Variants in PPP3CC observed in about 807,000 individuals in gnomAD.
PPP3CC encodes the protein serine/threonine-protein phosphatase 2B catalytic subunit gamma isoform.
Under a neutral mutation model 60.3 loss-of-function variants are expected in PPP3CC, and 35 were observed. That is an observed-to-expected ratio of 0.58 (90% CI 0.44 to 0.77). The LOEUF is 0.77. Ranked by LOEUF, PPP3CC falls within the 30% of genes least tolerant of loss-of-function variation. The pLI is 0.00. For synonymous variants in PPP3CC, 206 were observed against 224.3 expected (o/e 0.92, Z 0.73); for missense variants, 570 against 628.9 (o/e 0.91, Z 1.00).
At chr8:22,531,062 G>A (rs1369335731) in intron 10 of PPP3CC, among the ~76,000 whole-genome samples, 1 of 152,046 alleles carries the variant, frequency 6.6e-6, no homozygotes, top group Non-Finnish European at 1.5e-5. Flanking sequence ...TCATAGATGT[G>A]AATTAATGTA....
At chr8:22,530,053 C>A (rs1303641601) in intron 10 of PPP3CC, among the ~76,000 whole-genome samples, 1 of 152,126 alleles carries the variant, frequency 6.6e-6, no homozygotes, top group Non-Finnish European at 1.5e-5. Flanking sequence ...AAACACAACT[C>A]CCTTTGGGAA....
At chr8:22,502,324 T>A (rs1838785184) in intron 4 of PPP3CC, among the ~76,000 whole-genome samples, 1 of 152,192 alleles carries the variant, frequency 6.6e-6, no homozygotes, top group African/African-American at 2.4e-5. Context: ...GTAATCTAAA[T>A]GTCAACAAGA....
chr8:22,470,112 A>G (rs1049184083), intron 1 of PPP3CC, among the ~76,000 whole-genome samples: 7 of 151,424 alleles, frequency 4.6e-5, no homozygotes, highest in South Asian at 2.1e-4. Context: ...TCTCTGCTGT[A>G]TCATTTATTT....
intron 3 of PPP3CC, among the ~76,000 whole-genome samples, chr8:22,479,440 G>A (rs1255224153): frequency 6.6e-6 from 1 of 151,932 alleles, no homozygotes; most frequent in East Asian, 1.9e-4. Flanking sequence ...AAGATTGTAT[G>A]GAAAGCATTT....
At chr8:22,460,447 C>T (rs570871912) in intron 1 of PPP3CC, among the ~76,000 whole-genome samples, 2 of 151,542 alleles carry the variant, frequency 1.3e-5, no homozygotes, top group Non-Finnish European at 2.9e-5. Flanking sequence ...CCATCTTGGC[C>T]CCCTGTAGCA....
intron 3 of PPP3CC, among the ~76,000 whole-genome samples, chr8:22,486,298 G>A (rs568842693): frequency 1.3e-5 from 2 of 152,102 alleles, no homozygotes; most frequent in East Asian, 3.9e-4. Flanking sequence ...TTGATCTCAG[G>A]GAAGGAAGGC....
rs893369996 is a variant in PPP3CC at position 22,527,324 on chromosome 8, G to C, written c.944-68G>C. 5 of 1,558,530 alleles carry C rather than the reference G, an allele frequency of 3.2e-6. No individual in the cohort carries two copies. The African/African-American group carries it at 6.8e-5, about 21-fold the overall frequency. ...AATTCTGTGTAGCAGGTACACAGCT[G>C]TACAAAGCATACCACTTGCCATGCC... is the stretch of plus-strand genomic sequence containing the variant. On this transcript the variant is annotated intron_variant, in intron 8 of 13. Transcript: ENST00000240139.
intron 1 of PPP3CC, among the ~76,000 whole-genome samples, chr8:22,468,321 T>G (rs1837610939): frequency 6.6e-6 from 1 of 152,078 alleles, no homozygotes; most frequent in African/African-American, 2.4e-5. Context: ...GCCAGGCTGA[T>G]CTCAAACTCC....
Position 22,480,452 on chromosome 8 carries a change from G to A in PPP3CC, c.372+4828G>A, listed in dbSNP as rs182045804. On this transcript the variant is annotated intron_variant, in intron 3 of 13. Coordinates refer to ENST00000240139, the MANE Select transcript of PPP3CC (RefSeq NM_005605.5). ...GATCTTTTGAGGCTTTCCAGGGGCTGAACTGGAAAATCCCAAAGTTAATTT... is the reference window on the plus strand; with the variant it reads ...GATCTTTTGAGGCTTTCCAGGGGCTAAACTGGAAAATCCCAAAGTTAATTT... Among the ~76,000 whole-genome samples the A allele has an allele frequency of 5.9e-3, 904 of 152,256 alleles. 3 individuals are homozygous for A. Among genetic ancestry groups the A allele is most frequent in the Middle Eastern group, 0.01 (3 of 294 alleles).
At chr8:22,491,414 T>C (rs1400189491) in intron 3 of PPP3CC, among the ~76,000 whole-genome samples, 1 of 152,238 alleles carries the variant, frequency 6.6e-6, no homozygotes. Flanking sequence ...TTTTAATTAA[T>C]GTTTCTCTAA....
chr8:22,502,141 A>C (rs1838779197), intron 4 of PPP3CC, among the ~76,000 whole-genome samples: 1 of 152,216 alleles, frequency 6.6e-6, no homozygotes, highest in South Asian at 2.1e-4. Flanking sequence ...TCATACTTAC[A>C]GTTTTCATCC....
chr8:22,532,833 G>C (rs1586872693), intron 11 of PPP3CC, 88 bp from the exon 12 acceptor site: 1 of 873,320 alleles, frequency 1.1e-6, no homozygotes, highest in South Asian at 2.3e-5. Context: ...TTCCATCTCT[G>C]CTGTCTTTCT....
chr8:22,515,149 A>G (rs532851181), intron 6 of PPP3CC, among the ~76,000 whole-genome samples: 103 of 152,044 alleles, frequency 6.8e-4, no homozygotes, highest in African/African-American at 2.4e-3. Context: ...TCTGGTAACC[A>G]TCATTCTACT....
chr8:22,495,569 A>ATTC (rs1563739810), intron 3 of PPP3CC, among the ~76,000 whole-genome samples: 1 of 151,430 alleles, frequency 6.6e-6, no homozygotes, highest in Non-Finnish European at 1.5e-5. Context: ...TATTATTATT[A>ATTC]TTGTTATTAT....
intron 1 of PPP3CC, 126 bp downstream of exon 1, chr8:22,441,584 A>C (rs1467750322): frequency 9.4e-7 from 1 of 1,066,452 alleles, no homozygotes; most frequent in African/African-American, 1.7e-5. Flanking sequence ...AGGGGTGTAG[A>C]CAGAGCCGGG....
At chr8:22,539,610 G>A (rs1029541951) in intron 13 of PPP3CC, 112 bp downstream of exon 13, 1 of 1,105,632 alleles carries the variant, frequency 9.0e-7, no homozygotes, top group African/African-American at 1.6e-5. Flanking sequence ...CTATAACAGT[G>A]AGAAAAGGTA....
chr8:22,519,215 AC>A (rs766534752), intron 6 of PPP3CC, among the ~76,000 whole-genome samples: 33 of 152,170 alleles, frequency 2.2e-4, no homozygotes, highest in Non-Finnish European at 4.6e-4. Flanking sequence ...TCTTCCGGTT[AC>A]TTACTTGCAT....
intron 4 of PPP3CC, among the ~76,000 whole-genome samples, chr8:22,509,967 C>T (rs1032318125): frequency 4.0e-5 from 6 of 151,830 alleles, no homozygotes; most frequent in South Asian, 2.1e-4. Flanking sequence ...AGGCGGATTG[C>T]GGGGTCAGGA....
At chr8:22,453,460 C>T (rs117836519) in intron 1 of PPP3CC, among the ~76,000 whole-genome samples, 2,007 of 152,220 alleles carry the variant, frequency 0.013, 16 homozygotes, top group Non-Finnish European at 0.02. Flanking sequence ...GAGCTTAGTT[C>T]CAGGACCCCC....
Sources: allele counts gnomAD v4.1 joint callset (sites outside exome capture counted in the v4.1 genomes callset), GRCh38; gene constraint gnomAD v4.1.1; transcripts MANE v1.5; gene names NCBI Gene and HGNC (gene_info 2026-07-23, HGNC 2026-07-21).